Variants in NBAS observed in about 807,000 individuals in gnomAD.
NBAS encodes NAG/BC035112 fusion.
NBAS carries 219 observed loss-of-function variants against 302.5 expected under a neutral mutation model. The observed-to-expected ratio is 0.72, with a 90% CI of 0.65 to 0.81. NBAS has a LOEUF of 0.81. NBAS is among the 30% of genes least tolerant of loss of function. The probability of loss-of-function intolerance (pLI) is 0.00; values close to 1 mark genes in which losing one functional copy is unlikely to be tolerated. For missense variants in NBAS, 2,932 were observed against 2,841.6 expected, an observed-to-expected ratio of 1.03 and a Z score of -0.72; for synonymous variants, 1,118 against 1,021.6, an observed-to-expected ratio of 1.09 and a Z score of -1.80.
At chr2:15,278,992 C>T (rs775619012) in intron 42 of NBAS, among the ~76,000 whole-genome samples, 2 of 152,088 alleles carry the variant, frequency 1.3e-5, no homozygotes, top group Non-Finnish European at 2.9e-5. Context: ...CACTATTCAA[C>T]GAATACCATC....
the NBAS span, among the ~76,000 whole-genome samples, chr2:15,149,878 G>A: frequency 6.6e-6 from 1 of 151,668 alleles, no homozygotes; most frequent in Non-Finnish European, 1.5e-5. Flanking sequence ...TTTGCACATG[G>A]GCTCTTGGAA....
At chr2:15,556,881 T>C in intron 2 of NBAS, 62 bp from the exon 3 acceptor site, 1 of 1,299,734 alleles carries the variant, frequency 7.7e-7, no homozygotes, top group Non-Finnish European at 1.1e-6. Flanking sequence ...ATTTTCAAAT[T>C]AGATTTATAG....
chr2:15,141,163 C>G, the NBAS span, among the ~76,000 whole-genome samples: 1 of 152,084 alleles, frequency 6.6e-6, no homozygotes, highest in Non-Finnish European at 1.5e-5. Flanking sequence ...TTTCCCTTCT[C>G]TTTTTCCCCC....
At chr2:14,908,688 G>A in the NBAS span, among the ~76,000 whole-genome samples, 1 of 152,228 alleles carries the variant, frequency 6.6e-6, no homozygotes, top group African/African-American at 2.4e-5. Context: ...TGATTGATTA[G>A]ATGAATACAA....
chr2:15,418,841 T>C (rs1386365471), intron 23 of NBAS, among the ~76,000 whole-genome samples: 2 of 152,190 alleles, frequency 1.3e-5, no homozygotes. Context: ...GGCCGGATCA[T>C]GAATGCTGTG....
the NBAS span, among the ~76,000 whole-genome samples, chr2:14,834,626 A>G: frequency 6.6e-6 from 1 of 152,156 alleles, no homozygotes; most frequent in Non-Finnish European, 1.5e-5. Context: ...AGGTTACAAA[A>G]GTAAATGTGA....
the NBAS span, among the ~76,000 whole-genome samples, chr2:14,989,293 A>ATGTGTGTGTGTGTGTGTGTGTGTG: frequency 1.3e-4 from 19 of 148,022 alleles, no homozygotes; most frequent in Non-Finnish European, 1.8e-4. Context: ...ATGTATGTGT[A>ATGTGTGTGTGTGTGTGTGTGTGTG]TGTGTGTGTG....
chr2:15,108,961 C>A, the NBAS span, among the ~76,000 whole-genome samples: 1 of 152,052 alleles, frequency 6.6e-6, no homozygotes, highest in Admixed American at 6.6e-5. Context: ...AGAATCAATC[C>A]ACTGGAACAA....
the NBAS span, among the ~76,000 whole-genome samples, chr2:14,840,812 T>C: frequency 1.3e-5 from 2 of 151,876 alleles, no homozygotes. Context: ...AAAGAAAACA[T>C]GCAAAAAGAA....
At chr2:15,109,526 C>T in the NBAS span, among the ~76,000 whole-genome samples, 1 of 152,228 alleles carries the variant, frequency 6.6e-6, no homozygotes, top group Non-Finnish European at 1.5e-5. Flanking sequence ...ACTTCTGTAA[C>T]AGAATGCCAT....
chr2:15,396,744 A>T lies in NBAS; in HGVS notation c.3072-269T>A, dbSNP rs552669359. On this transcript the variant is annotated intron_variant, in intron 26 of 51. Coordinates refer to ENST00000281513, the MANE Select transcript of NBAS (RefSeq NM_015909.4). ...GTTCAGTTGTGCTTAAAGGTAAAAA[A>T]ATATATAAATCGATTGTTTATTTAA... 4.6e-5 allele frequency among the ~76,000 whole-genome samples: 7 copies of T among 151,972 alleles called. No homozygotes were observed. The East Asian group carries it at 1.4e-3, about 29-fold the overall frequency.
the NBAS span, among the ~76,000 whole-genome samples, chr2:15,068,990 G>A: frequency 1.3e-5 from 2 of 152,086 alleles, no homozygotes; most frequent in East Asian, 1.9e-4. Context: ...GGTTGGGGGG[G>A]CTTAGCATGT....
chr2:15,399,501 T>C (rs1488459019), intron 26 of NBAS, among the ~76,000 whole-genome samples: 1 of 151,994 alleles, frequency 6.6e-6, no homozygotes, highest in Non-Finnish European at 1.5e-5. Context: ...GGCCTACAGT[T>C]CTCAGAGACA....
chr2:15,436,270 G>A (rs1678010164), intron 21 of NBAS, among the ~76,000 whole-genome samples: 1 of 152,174 alleles, frequency 6.6e-6, no homozygotes, highest in Non-Finnish European at 1.5e-5. Flanking sequence ...TTTGCCTGTA[G>A]ATAACCCTTT....
chr2:15,505,626 G>T (rs975593394), intron 10 of NBAS, among the ~76,000 whole-genome samples: 2 of 152,102 alleles, frequency 1.3e-5, no homozygotes, highest in African/African-American at 4.8e-5. Flanking sequence ...ACAAAAGAAG[G>T]CACCGTTAAC....
intron 50 of NBAS, among the ~76,000 whole-genome samples, chr2:15,186,032 T>C (rs922369138): frequency 1.3e-5 from 2 of 151,964 alleles, no homozygotes; most frequent in Non-Finnish European, 2.9e-5. Flanking sequence ...GAAATTAATA[T>C]GTGCTTACTT....
intron 47 of NBAS, among the ~76,000 whole-genome samples, chr2:15,225,510 T>C (rs1667117238): frequency 6.9e-6 from 1 of 145,330 alleles, no homozygotes; most frequent in East Asian, 1.9e-4. Flanking sequence ...TTCTTTCTTC[T>C]CTTTTATTTT....
chr2:15,310,959 A>C (rs1219684115), intron 38 of NBAS, among the ~76,000 whole-genome samples: 1 of 152,228 alleles, frequency 6.6e-6, no homozygotes, highest in Non-Finnish European at 1.5e-5. Context: ...TTGCCTACAA[A>C]ATCCAACAGA....
At chr2:14,909,808 G>A in the NBAS span, among the ~76,000 whole-genome samples, 1 of 152,208 alleles carries the variant, frequency 6.6e-6, no homozygotes, top group Non-Finnish European at 1.5e-5. Flanking sequence ...AGAAGGGAAG[G>A]TGAGGGCCAG....
Sources: gnomAD v4.1 joint callset for allele counts (sites outside exome capture counted in the v4.1 genomes callset) on GRCh38, gnomAD v4.1.1 for gene constraint, MANE v1.5 for transcripts, NCBI Gene and HGNC (gene_info 2026-07-23, HGNC 2026-07-21) for gene names.